The following STX8 variants were observed in gnomAD, a reference collection of about 807,000 sequenced individuals.
STX8 encodes syntaxin-8.
STX8 carries 23 observed loss-of-function variants against 37.5 expected under a neutral mutation model. The ratio of observed to expected loss-of-function variants is 0.61; its 90% CI spans 0.44 to 0.87. The LOEUF (loss-of-function observed/expected upper bound fraction) is 0.87, where lower values mean the gene tolerates loss of function less well. Ranked by LOEUF, STX8 falls within the 40% of genes least tolerant of loss-of-function variation. STX8 has a pLI of 0.00. For synonymous variants in STX8, 115 were observed against 99.1 expected, an observed-to-expected ratio of 1.16 and a Z score of -0.95; for missense variants, 313 against 284.7, an observed-to-expected ratio of 1.10 and a Z score of -0.71.
At chr17:9,484,062 T>C (rs1384198379) in intron 6 of STX8, among the ~76,000 whole-genome samples, 1 of 152,160 alleles carries the variant, frequency 6.6e-6, no homozygotes, top group Non-Finnish European at 1.5e-5. Flanking sequence ...TAGTAAACAT[T>C]TTCTACATGT....
chr17:9,353,201 G>A (rs1910767677), intron 7 of STX8, among the ~76,000 whole-genome samples: 1 of 152,178 alleles, frequency 6.6e-6, no homozygotes, highest in East Asian at 1.9e-4. Flanking sequence ...AATGTGACCT[G>A]TGGGAGTCCC....
intron 6 of STX8, among the ~76,000 whole-genome samples, chr17:9,466,213 C>T (rs1905607033): frequency 1.3e-5 from 2 of 152,242 alleles, no homozygotes; most frequent in South Asian, 2.1e-4. Flanking sequence ...CCTCGTGATC[C>T]GCCTGCCTTG....
chr17:9,505,186 G>T (rs558892367), intron 4 of STX8, 24 bp from the exon 5 acceptor site: 2 of 1,587,890 alleles, frequency 1.3e-6, no homozygotes, highest in Admixed American at 1.8e-5. Flanking sequence ...TTAAATGCAT[G>T]ATATATCTCA....
intron 4 of STX8, among the ~76,000 whole-genome samples, chr17:9,533,452 G>A (rs1219826841): frequency 6.6e-6 from 1 of 152,158 alleles, no homozygotes; most frequent in Non-Finnish European, 1.5e-5. Flanking sequence ...GTGACAGAGT[G>A]AGACTCCATC....
At chr17:9,381,736 C>T (rs1037483236) in intron 6 of STX8, among the ~76,000 whole-genome samples, 1 of 152,114 alleles carries the variant, frequency 6.6e-6, no homozygotes, top group Non-Finnish European at 1.5e-5. Flanking sequence ...TTTGGGAGGC[C>T]GAGGCGGGCG....
At chr17:9,254,450 C>T (rs918387746) in intron 7 of STX8, among the ~76,000 whole-genome samples, 1 of 151,674 alleles carries the variant, frequency 6.6e-6, no homozygotes, top group Non-Finnish European at 1.5e-5. Context: ...GGCTAGAGTG[C>T]GGTGACGTGA....
At chr17:9,419,576 G>C (rs1485683598) in intron 6 of STX8, among the ~76,000 whole-genome samples, 4 of 152,170 alleles carry the variant, frequency 2.6e-5, no homozygotes, top group Non-Finnish European at 5.9e-5. Flanking sequence ...TAGATATTAA[G>C]TATCGAGAAT....
At chr17:9,499,196 G>C (rs945032295) in intron 5 of STX8, among the ~76,000 whole-genome samples, 3 of 152,176 alleles carry the variant, frequency 2.0e-5, no homozygotes, top group Non-Finnish European at 4.4e-5. Context: ...ACGGGCTAAA[G>C]GAAGTCAGAA....
intron 6 of STX8, among the ~76,000 whole-genome samples, chr17:9,435,878 ATT>A (rs1904412470): frequency 6.6e-6 from 1 of 152,156 alleles, no homozygotes; most frequent in Non-Finnish European, 1.5e-5. Flanking sequence ...CCTAATAATA[ATT>A]TTTGTCAATT....
At chr17:9,536,305 T>G (rs1231289792) in intron 4 of STX8, among the ~76,000 whole-genome samples, 1 of 152,094 alleles carries the variant, frequency 6.6e-6, no homozygotes, top group Non-Finnish European at 1.5e-5. Context: ...AAAGCCGACA[T>G]CGAGTATCGG....
intron 6 of STX8, among the ~76,000 whole-genome samples, chr17:9,484,437 T>G (rs1001833470): frequency 5.4e-5 from 7 of 130,672 alleles, no homozygotes; most frequent in South Asian, 2.5e-4. Flanking sequence ...TATGCTGAGG[T>G]GGGGGTTGGA....
At chr17:9,408,079 C>T (rs1912857753) in intron 6 of STX8, among the ~76,000 whole-genome samples, 1 of 152,098 alleles carries the variant, frequency 6.6e-6, no homozygotes, top group Non-Finnish European at 1.5e-5. Context: ...ACGCCAGAGG[C>T]AGGTTGGAAA....
At chr17:9,440,858 T>C (rs1904624030) in intron 6 of STX8, among the ~76,000 whole-genome samples, 1 of 152,150 alleles carries the variant, frequency 6.6e-6, no homozygotes, top group African/African-American at 2.4e-5. Context: ...ACTGTCATTT[T>C]GAACAGTCTT....
intron 7 of STX8, among the ~76,000 whole-genome samples, chr17:9,348,498 C>T (rs555494150): frequency 8.6e-4 from 117 of 135,882 alleles, no homozygotes; most frequent in Non-Finnish European, 1.5e-3. Context: ...ACTTTCTATC[C>T]CTATTCAAAT....
intron 6 of STX8, among the ~76,000 whole-genome samples, chr17:9,431,451 T>G (rs544947799): frequency 0.045 from 6,651 of 147,116 alleles, 315 homozygotes; most frequent in African/African-American, 0.15. Flanking sequence ...TGTTGTTGTT[T>G]TGTTTTTTTT....
At chr17:9,500,784 C>T (rs1457282193) in intron 5 of STX8, among the ~76,000 whole-genome samples, 2 of 152,094 alleles carry the variant, frequency 1.3e-5, no homozygotes, top group Non-Finnish European at 2.9e-5. Flanking sequence ...GGGCAGATCA[C>T]GAGGTCAGGA....
rs527858128 is a variant in STX8 at position 9,278,214 on chromosome 17, G to A, written c.644-27569C>T. Among the ~76,000 whole-genome samples the A allele has an allele frequency of 2.7e-4, 41 of 152,314 alleles. 1 individual carries two copies. The highest frequency in any genetic ancestry group is 3.9e-4 in the East Asian group (2 of 5,192). On this transcript the variant is annotated intron_variant, in intron 7 of 7. Transcript: ENST00000306357. Reference sequence around the variant, plus strand: ...TGTAATCCCAGCACTTTGGGAGGCCGAGGCAGGTGGATCACCTGAGGTCGC... The same window carrying A: ...TGTAATCCCAGCACTTTGGGAGGCCAAGGCAGGTGGATCACCTGAGGTCGC...
intron 5 of STX8, among the ~76,000 whole-genome samples, chr17:9,495,090 A>T (rs930087903): frequency 7.9e-5 from 12 of 152,232 alleles, no homozygotes; most frequent in African/African-American, 2.9e-4. Context: ...TATGGAATTA[A>T]ATCATCAAAC....
intron 6 of STX8, among the ~76,000 whole-genome samples, chr17:9,403,916 G>A (rs1459240648): frequency 6.6e-6 from 1 of 152,038 alleles, no homozygotes; most frequent in Non-Finnish European, 1.5e-5. Flanking sequence ...AAAGTGCTGG[G>A]ATTACGGGAG....
Sources: allele counts gnomAD v4.1 joint callset (sites outside exome capture counted in the v4.1 genomes callset), GRCh38; gene constraint gnomAD v4.1.1; transcripts MANE v1.5; gene names NCBI Gene and HGNC (gene_info 2026-07-23, HGNC 2026-07-21).